The following CNTNAP5 variants were observed in gnomAD, a reference collection of about 807,000 sequenced individuals.
The protein encoded by CNTNAP5 is contactin associated protein family member 5.
CNTNAP5 carries 72 observed loss-of-function variants against 150.2 expected under a neutral mutation model. The observed-to-expected ratio is 0.48, with a 90% CI of 0.40 to 0.58. CNTNAP5 has a LOEUF of 0.58. Ranked by LOEUF, CNTNAP5 falls within the 20% of genes least tolerant of loss-of-function variation. The pLI, the probability that CNTNAP5 is intolerant of heterozygous loss-of-function variation, is 0.00. For missense variants in CNTNAP5, 1,636 were observed against 1,626.2 expected (o/e 1.01, Z -0.10); for synonymous variants, 672 against 619.8 (o/e 1.08, Z -1.25).
chr2:124,879,313 C>T (rs148544285), intron 21 of CNTNAP5, among the ~76,000 whole-genome samples: 4 of 152,216 alleles, frequency 2.6e-5, no homozygotes, highest in Non-Finnish European at 5.9e-5. Flanking sequence ...GGAAAACACA[C>T]ACAGGCACAT....
At chr2:124,770,953 T>C (rs577605339) in intron 16 of CNTNAP5, among the ~76,000 whole-genome samples, 1 of 152,172 alleles carries the variant, frequency 6.6e-6, no homozygotes, top group Admixed American at 6.5e-5. Context: ...TCGCCTTAGA[T>C]CACAGTAGCT....
At chr2:124,590,448 T>A (rs1377574635) in intron 11 of CNTNAP5, among the ~76,000 whole-genome samples, 1 of 152,186 alleles carries the variant, frequency 6.6e-6, no homozygotes, top group Non-Finnish European at 1.5e-5. Context: ...AGACACATTG[T>A]TTGAACTAAT....
chr2:124,749,158 C>T (rs1680667978), intron 14 of CNTNAP5, among the ~76,000 whole-genome samples: 1 of 152,120 alleles, frequency 6.6e-6, no homozygotes, highest in Non-Finnish European at 1.5e-5. Flanking sequence ...GGTTGTGCTG[C>T]CGTAAAACAT....
At chr2:124,263,640 C>G (rs1156655503) in intron 3 of CNTNAP5, among the ~76,000 whole-genome samples, 1 of 152,264 alleles carries the variant, frequency 6.6e-6, no homozygotes, top group Admixed American at 6.5e-5. Flanking sequence ...TGTGCAGAAG[C>G]TCTTTAGTTT....
intron 7 of CNTNAP5, among the ~76,000 whole-genome samples, chr2:124,477,423 AT>A (rs1466688240): frequency 6.6e-6 from 1 of 152,110 alleles, no homozygotes; most frequent in Non-Finnish European, 1.5e-5. Context: ...TCACACTTGG[AT>A]TAAAGATTGT....
chr2:124,862,917 A>G (rs934484878), intron 19 of CNTNAP5, among the ~76,000 whole-genome samples: 3 of 152,146 alleles, frequency 2.0e-5, no homozygotes, highest in Non-Finnish European at 4.4e-5. Flanking sequence ...AAGTATTTGT[A>G]TGGCTTTGGA....
intron 3 of CNTNAP5, among the ~76,000 whole-genome samples, chr2:124,387,368 C>T (rs528179390): frequency 3.3e-5 from 5 of 152,292 alleles, no homozygotes; most frequent in South Asian, 4.1e-4. Context: ...AAGTTTCATG[C>T]GCGTCCATGT....
intron 3 of CNTNAP5, among the ~76,000 whole-genome samples, chr2:124,261,447 G>A (rs994360905): frequency 8.5e-5 from 13 of 152,210 alleles, no homozygotes; most frequent in Admixed American, 8.5e-4. Context: ...AGATTTGAGA[G>A]AAGGCAGAAA....
intron 13 of CNTNAP5, among the ~76,000 whole-genome samples, chr2:124,739,200 A>G (rs991268101): frequency 6.6e-6 from 1 of 152,122 alleles, no homozygotes; most frequent in Non-Finnish European, 1.5e-5. Flanking sequence ...AGAACATTGA[A>G]CAACATTATA....
chr2:124,851,636 A>G (rs1375800926), intron 19 of CNTNAP5, among the ~76,000 whole-genome samples: 2 of 152,162 alleles, frequency 1.3e-5, no homozygotes, highest in African/African-American at 4.8e-5. Flanking sequence ...TGGTTCTTTT[A>G]CAAATGTTTC....
intron 12 of CNTNAP5, among the ~76,000 whole-genome samples, chr2:124,626,558 GCC>G (rs1455509480): frequency 6.6e-6 from 1 of 152,136 alleles, no homozygotes; most frequent in African/African-American, 2.4e-5. Flanking sequence ...ATGGATTTTT[GCC>G]ATCTGTGGAT....
chr2:124,458,291 TTTTA>T (rs1450136575), intron 6 of CNTNAP5, among the ~76,000 whole-genome samples: 3 of 13,748 alleles, frequency 2.2e-4, no homozygotes, highest in East Asian at 2.7e-3. Context: ...TAATGTAATA[TTTTA>T]TATATATATA....
At chr2:124,865,568 A>C in intron 20 of CNTNAP5, 132 bp downstream of exon 20, 1 of 777,514 alleles carries the variant, frequency 1.3e-6, no homozygotes, top group Non-Finnish European at 2.0e-6. Context: ...TTGCCCCCAG[A>C]CTTGGAAGAA....
intron 3 of CNTNAP5, among the ~76,000 whole-genome samples, chr2:124,271,238 G>A (rs780032): frequency 6.6e-6 from 1 of 151,806 alleles, no homozygotes; most frequent in Non-Finnish European, 1.5e-5. Context: ...CTTGAGAGAA[G>A]CACAGAATTT....
At chr2:124,494,550 C>A (rs1373798160) in intron 7 of CNTNAP5, among the ~76,000 whole-genome samples, 1 of 152,182 alleles carries the variant, frequency 6.6e-6, no homozygotes, top group Non-Finnish European at 1.5e-5. Flanking sequence ...ACAAATAATG[C>A]TTTACCAGGT....
chr2:124,028,840 A>G (rs1343088509), intron 1 of CNTNAP5, among the ~76,000 whole-genome samples: 1 of 152,086 alleles, frequency 6.6e-6, no homozygotes, highest in Non-Finnish European at 1.5e-5. Context: ...TAAAACAGCA[A>G]TTGAGGTATG....
chr2:124,628,875 C>G (rs1014812385), intron 12 of CNTNAP5, among the ~76,000 whole-genome samples: 3 of 152,104 alleles, frequency 2.0e-5, no homozygotes, highest in African/African-American at 7.2e-5. Context: ...GAAAATTTAT[C>G]AAGCAAACGG....
At chr2:124,805,743 G>C (rs1405623980) in intron 19 of CNTNAP5, among the ~76,000 whole-genome samples, 1 of 152,196 alleles carries the variant, frequency 6.6e-6, no homozygotes, top group Non-Finnish European at 1.5e-5. Context: ...CTAGAGACTG[G>C]AAGTCCAAGT....
At chr2:124,212,040 A>G (rs1686028118) in intron 1 of CNTNAP5, among the ~76,000 whole-genome samples, 1 of 152,232 alleles carries the variant, frequency 6.6e-6, no homozygotes, top group Non-Finnish European at 1.5e-5. Flanking sequence ...AGAAACTCTC[A>G]ATTCTGATAA....
Sources: allele counts gnomAD v4.1 joint callset (sites outside exome capture counted in the v4.1 genomes callset), GRCh38; gene constraint gnomAD v4.1.1; transcripts MANE v1.5; gene names NCBI Gene and HGNC (gene_info 2026-07-23, HGNC 2026-07-21).